Variants in LRRC37A2 observed in about 807,000 individuals in gnomAD.
The protein encoded by LRRC37A2 is leucine rich repeat containing 37 member A2.
A neutral mutation model predicts 68.8 loss-of-function variants in LRRC37A2; 9 were observed. The ratio of observed to expected loss-of-function variants is 0.13; its 90% CI spans 0.08 to 0.23. The LOEUF is 0.23. LRRC37A2 is among the 10% of genes least tolerant of loss of function. LRRC37A2 has a pLI of 1.00. For missense variants in LRRC37A2, 168 were observed against 950.4 expected, an observed-to-expected ratio of 0.18 and a Z score of 10.82; for synonymous variants, 63 against 367.6, an observed-to-expected ratio of 0.17 and a Z score of 9.48.
At chr17:46,917,978 C>G in the LRRC37A2 span, among the ~76,000 whole-genome samples, 7 of 152,178 alleles carry the variant, frequency 4.6e-5, no homozygotes, top group African/African-American at 1.7e-4. Flanking sequence ...ACTTATTAGA[C>G]AATAAACAAA....
chr17:46,747,212 A>G, the LRRC37A2 span, among the ~76,000 whole-genome samples: 3 of 152,212 alleles, frequency 2.0e-5, no homozygotes, highest in East Asian at 5.8e-4. Context: ...AAATTGGAAA[A>G]AGGGGCAAGT....
the LRRC37A2 span, among the ~76,000 whole-genome samples, chr17:46,699,402 G>GACACACACACACACACAC: frequency 2.0e-5 from 3 of 148,210 alleles, no homozygotes; most frequent in African/African-American, 7.4e-5. Context: ...ATAAACTGAG[G>GACACACACACACACACAC]ACACACACAC....
the LRRC37A2 span, among the ~76,000 whole-genome samples, chr17:46,862,469 G>A: frequency 6.6e-6 from 1 of 152,158 alleles, no homozygotes; most frequent in Non-Finnish European, 1.5e-5. Context: ...AAAAAAACTT[G>A]TAGTTTTCTG....
chr17:46,850,929 C>A, the LRRC37A2 span, among the ~76,000 whole-genome samples: 2 of 152,214 alleles, frequency 1.3e-5, no homozygotes, highest in African/African-American at 2.4e-5. Flanking sequence ...CCACGGAGGC[C>A]CACGCTGCGC....
the LRRC37A2 span, chr17:46,941,040 T>A: frequency 9.2e-7 from 1 of 1,088,732 alleles, no homozygotes. Context: ...GTCGAGCTGA[T>A]GCAAGAAACT....
chr17:46,746,104 A>G, the LRRC37A2 span, among the ~76,000 whole-genome samples: 1 of 152,154 alleles, frequency 6.6e-6, no homozygotes, highest in Non-Finnish European at 1.5e-5. Context: ...TACTATAATT[A>G]TCTATTTTGC....
the LRRC37A2 span, among the ~76,000 whole-genome samples, chr17:46,859,121 T>C: frequency 6.6e-6 from 1 of 151,908 alleles, no homozygotes; most frequent in Non-Finnish European, 1.5e-5. Flanking sequence ...GAAGTACAGA[T>C]GCCCGCCACT....
the LRRC37A2 span, among the ~76,000 whole-genome samples, chr17:46,775,066 G>A: frequency 6.6e-6 from 1 of 152,214 alleles, no homozygotes; most frequent in African/African-American, 2.4e-5. Context: ...AAGACCCCAT[G>A]GGGCAGGGTG....
At chr17:46,464,244 T>C in the LRRC37A2 span, among the ~76,000 whole-genome samples, 1 of 28,278 alleles carries the variant, frequency 3.5e-5, no homozygotes, top group Non-Finnish European at 1.1e-4. Context: ...CTTACCTCAG[T>C]GTACCAAGAA....
At chr17:46,661,378 T>TATATTA in the LRRC37A2 span, among the ~76,000 whole-genome samples, 1 of 106,564 alleles carries the variant, frequency 9.4e-6, no homozygotes, top group African/African-American at 4.4e-5. Flanking sequence ...TACATTTCTT[T>TATATTA]TTATTATTAT....
the LRRC37A2 span, among the ~76,000 whole-genome samples, chr17:46,929,349 T>A: frequency 2.0e-5 from 3 of 152,208 alleles, no homozygotes; most frequent in East Asian, 5.8e-4. Flanking sequence ...AGTTAAGATA[T>A]TAGAAACCAT....
the LRRC37A2 span, among the ~76,000 whole-genome samples, chr17:47,021,316 A>ATTTGC: frequency 7.6e-6 from 1 of 131,464 alleles, no homozygotes; most frequent in Non-Finnish European, 1.6e-5. Flanking sequence ...GGGAGACAAA[A>ATTTGC]TAGAAAGGTC....
At chr17:46,900,202 T>TACATACATATATACACACACACACACAC in the LRRC37A2 span, among the ~76,000 whole-genome samples, 1 of 101,172 alleles carries the variant, frequency 9.9e-6, no homozygotes, top group African/African-American at 5.1e-5. Flanking sequence ...TATATATATA[T>TACATACATATATACACACACACACACAC]ACACACACAC....
chr17:47,020,555 G>A, the LRRC37A2 span, among the ~76,000 whole-genome samples: 20 of 150,810 alleles, frequency 1.3e-4, no homozygotes, highest in South Asian at 2.1e-4. Flanking sequence ...CGAGGTGGGC[G>A]GATCACGAGG....
At chr17:46,875,000 A>T in the LRRC37A2 span, 1 of 1,580,792 alleles carries the variant, frequency 6.3e-7, no homozygotes, top group South Asian at 1.1e-5. Flanking sequence ...CGCTGCCACC[A>T]CCGCCTCTGG....
chr17:46,502,786 T>C, the LRRC37A2 span, among the ~76,000 whole-genome samples: 3 of 151,302 alleles, frequency 2.0e-5, no homozygotes, highest in Admixed American at 1.3e-4. Context: ...ACTGTGGCAA[T>C]GTTATCCAAG....
the LRRC37A2 span, among the ~76,000 whole-genome samples, chr17:46,974,893 T>C: frequency 6.6e-6 from 1 of 152,134 alleles, no homozygotes; most frequent in Admixed American, 6.6e-5. Flanking sequence ...GGAAGCTCAG[T>C]GTTTGGCATA....
the LRRC37A2 span, among the ~76,000 whole-genome samples, chr17:46,751,321 A>G: frequency 1.3e-5 from 2 of 152,314 alleles, no homozygotes; most frequent in Admixed American, 6.5e-5. Context: ...TTTCACTTTC[A>G]TGATTGCACC....
the LRRC37A2 span, among the ~76,000 whole-genome samples, chr17:46,808,220 C>G: frequency 6.6e-6 from 1 of 152,214 alleles, no homozygotes; most frequent in African/African-American, 2.4e-5. Context: ...CAACAAAATC[C>G]TCACATGGCC....
Sources: gnomAD v4.1 joint callset for allele counts (sites outside exome capture counted in the v4.1 genomes callset) on GRCh38, gnomAD v4.1.1 for gene constraint, MANE v1.5 for transcripts, NCBI Gene and HGNC (gene_info 2026-07-23, HGNC 2026-07-21) for gene names.